The following CDKL5 variants were observed in gnomAD, a reference collection of about 807,000 sequenced individuals.
The protein encoded by CDKL5 is cyclin-dependent kinase-like 5.
In CDKL5, 8 loss-of-function variants were observed where a neutral mutation model predicts 61.7. The ratio of observed to expected loss-of-function variants is 0.13; its 90% CI spans 0.08 to 0.23. CDKL5 has a LOEUF of 0.23. CDKL5 is among the 10% of genes least tolerant of loss of function. The pLI, the probability that CDKL5 is intolerant of heterozygous loss-of-function variation, is 1.00. For synonymous variants in CDKL5, 275 were observed against 272.3 expected (o/e 1.01, Z -0.10); for missense variants, 440 against 734.5 (o/e 0.60, Z 4.63).
chrX:18,527,142 C>T (rs1206205408), intron 3 of CDKL5, among the ~76,000 whole-genome samples: 2 of 111,613 alleles, frequency 1.8e-5, no homozygotes, highest in Admixed American at 9.5e-5. Flanking sequence ...GATTTGATTC[C>T]CTTAATATTT....
intron 1 of CDKL5, among the ~76,000 whole-genome samples, chrX:18,440,427 G>C (rs1007414630): frequency 8.9e-6 from 1 of 111,755 alleles, no homozygotes; most frequent in Admixed American, 9.6e-5. Flanking sequence ...CAAAGTGGTA[G>C]GATTGTAGGT....
intron 14 of CDKL5, among the ~76,000 whole-genome samples, chrX:18,612,558 G>A (rs1389818997): frequency 9.2e-6 from 1 of 108,878 alleles, no homozygotes; most frequent in Non-Finnish European, 1.9e-5. Context: ...TACCCAGGAG[G>A]CTAAGGTGGG....
intron 1 of CDKL5, among the ~76,000 whole-genome samples, chrX:18,495,373 G>C (rs1443918526): frequency 8.9e-6 from 1 of 112,401 alleles, no homozygotes; most frequent in African/African-American, 3.2e-5. Context: ...GTTTCTGTCA[G>C]TTCTTTAGAT....
intron 15 of CDKL5, among the ~76,000 whole-genome samples, chrX:18,616,603 C>T (rs1342389698): frequency 9.5e-6 from 1 of 105,809 alleles, no homozygotes; most frequent in East Asian, 2.9e-4. Context: ...CGAGCCTGGG[C>T]AACAAGAGCG....
chrX:18,545,941 A>C (rs1011582512), intron 3 of CDKL5, among the ~76,000 whole-genome samples: 2 of 112,110 alleles, frequency 1.8e-5, no homozygotes. Context: ...AGTGAACTTT[A>C]GAACTTCCGA....
At chrX:18,436,854 A>G (rs939825366) in intron 1 of CDKL5, among the ~76,000 whole-genome samples, 5 of 95,488 alleles carry the variant, frequency 5.2e-5, no homozygotes, top group African/African-American at 1.9e-4. Context: ...AGCCGTGATT[A>G]TGCCACTGCA....
At chrX:18,573,348 C>T (rs772022450) in intron 4 of CDKL5, among the ~76,000 whole-genome samples, 1 of 111,965 alleles carries the variant, frequency 8.9e-6, no homozygotes, top group Non-Finnish European at 1.9e-5. Flanking sequence ...TTGAGTAACT[C>T]AGAGGGGATA....
chrX:18,478,747 G>C (rs1278765488), intron 1 of CDKL5, among the ~76,000 whole-genome samples: 2 of 100,571 alleles, frequency 2.0e-5, no homozygotes, highest in Non-Finnish European at 4.0e-5. Context: ...GTCTGGCTCT[G>C]TTGCCCAGGC....
intron 3 of CDKL5, among the ~76,000 whole-genome samples, chrX:18,519,229 C>T (rs1029463656): frequency 8.9e-5 from 10 of 112,032 alleles, no homozygotes; most frequent in African/African-American, 3.2e-4. Flanking sequence ...CAGCCACAGT[C>T]ATTTAAGTAT....
intron 1 of CDKL5, among the ~76,000 whole-genome samples, chrX:18,456,100 G>T (rs1318094827): frequency 9.4e-6 from 1 of 106,415 alleles, no homozygotes; most frequent in Non-Finnish European, 1.9e-5. Context: ...CCAGGCTGGA[G>T]TGTGGTGGTG....
intron 16 of CDKL5, among the ~76,000 whole-genome samples, chrX:18,621,239 A>AT (rs1471126764): frequency 8.9e-6 from 1 of 111,939 alleles, no homozygotes; most frequent in Non-Finnish European, 1.9e-5. Context: ...TGGGAAGTAG[A>AT]TTAGGTAGAT....
intron 1 of CDKL5, among the ~76,000 whole-genome samples, chrX:18,458,890 G>A (rs767182440): frequency 2.2e-4 from 25 of 111,892 alleles, no homozygotes; most frequent in Non-Finnish European, 4.3e-4. Flanking sequence ...CTAGAATGTG[G>A]TTCCACAGTT....
At chrX:18,611,209 T>A (rs1926539496) in intron 14 of CDKL5, among the ~76,000 whole-genome samples, 1 of 110,445 alleles carries the variant, frequency 9.1e-6, no homozygotes, top group Non-Finnish European at 1.9e-5. Context: ...GGCAGGAGGA[T>A]CACGAGGTCA....
downstream of CDKL5, chrX:18,641,717 A>T: frequency 2.9e-6 from 1 of 348,200 alleles, no homozygotes; most frequent in Non-Finnish European, 5.1e-6. Flanking sequence ...TGAGACAAAA[A>T]ATGAGCAGAA....
intron 8 of CDKL5, among the ~76,000 whole-genome samples, chrX:18,585,315 AG>A (rs1925607433): frequency 9.0e-6 from 1 of 111,181 alleles, no homozygotes; most frequent in African/African-American, 3.3e-5. Flanking sequence ...GAGTCACTTG[AG>A]TCCAGGAGGC....
Position 18,604,256 on chromosome X carries a change from C to G in CDKL5, c.1332C>G (p.Arg444=). 2 of 1,211,981 alleles carry G rather than the reference C, an allele frequency of 1.7e-6. No homozygotes were observed. Among genetic ancestry groups the G allele is most frequent in the Non-Finnish European group, 2.2e-6 (2 of 895,551 alleles). ...LKSNSRSQQN[R]HSFMESSQSK... is the part of the protein sequence containing the mutation. ...CAAACAGCAGATCTCAGCAGAACCG[C>G]CACTCATTCATGGAAAGCTCTCAAA... Residue 444 remains arginine (R), a synonymous_variant, in exon 12 of 18, where the codon CGC becomes CGG. Coordinates refer to ENST00000623535, the MANE Select transcript of CDKL5 (RefSeq NM_001323289.2).
At chrX:18,532,050 A>G in intron 3 of CDKL5, among the ~76,000 whole-genome samples, 1 of 112,007 alleles carries the variant, frequency 8.9e-6, no homozygotes, top group East Asian at 2.8e-4. Flanking sequence ...GTATCCAAGC[A>G]CTGTATGGGT....
At chrX:18,482,671 GTTC>G (rs1921628296) in intron 1 of CDKL5, among the ~76,000 whole-genome samples, 1 of 105,315 alleles carries the variant, frequency 9.5e-6, no homozygotes, top group Non-Finnish European at 1.9e-5. Context: ...CAATTTGTCA[GTTC>G]TTGTTTTTTT....
intron 15 of CDKL5, among the ~76,000 whole-genome samples, chrX:18,617,858 G>A (rs1488496024): frequency 9.0e-6 from 1 of 111,699 alleles, no homozygotes; most frequent in East Asian, 2.8e-4. Context: ...CTGGGCTGTG[G>A]TTTATCCAGT....
Sources: gnomAD v4.1 joint callset for allele counts (sites outside exome capture counted in the v4.1 genomes callset) on GRCh38, gnomAD v4.1.1 for gene constraint, MANE v1.5 for transcripts, NCBI Gene and HGNC (gene_info 2026-07-23, HGNC 2026-07-21) for gene names.